PTPRD: variants seen among roughly 807,000 people sequenced by gnomAD.
PTPRD encodes protein tyrosine phosphatase receptor type D.
PTPRD carries 34 observed loss-of-function variants against 214.5 expected under a neutral mutation model. The observed-to-expected ratio is 0.16, with a 90% CI of 0.12 to 0.21. The LOEUF (loss-of-function observed/expected upper bound fraction) is 0.21. Ranked by LOEUF, PTPRD falls within the 10% of genes least tolerant of loss-of-function variation. The probability of loss-of-function intolerance (pLI) is 1.00; values close to 1 mark genes in which losing one functional copy is unlikely to be tolerated. For missense variants in PTPRD, 2,545 were observed against 2,398.7 expected (o/e 1.06, Z -1.27); for synonymous variants, 1,128 against 845.7 (o/e 1.33, Z -5.79).
chr9:9,835,822 C>T (rs1170447401), intron 5 of PTPRD, among the ~76,000 whole-genome samples: 1 of 152,038 alleles, frequency 6.6e-6, no homozygotes, highest in African/African-American at 2.4e-5. Flanking sequence ...ATCTTAGTGC[C>T]ACCCTCCTGC....
At chr9:8,978,695 T>C (rs2099284277) in intron 11 of PTPRD, among the ~76,000 whole-genome samples, 1 of 151,994 alleles carries the variant, frequency 6.6e-6, no homozygotes, top group African/African-American at 2.4e-5. Flanking sequence ...ATAACCTACA[T>C]AGCCTTGGAC....
intron 9 of PTPRD, among the ~76,000 whole-genome samples, chr9:9,234,174 A>G (rs1254083656): frequency 6.6e-6 from 1 of 152,156 alleles, no homozygotes; most frequent in East Asian, 1.9e-4. Flanking sequence ...CCCAAACTCT[A>G]TTCTTAACTT....
chr9:9,316,561 T>C (rs916014339), intron 9 of PTPRD, among the ~76,000 whole-genome samples: 2 of 152,054 alleles, frequency 1.3e-5, no homozygotes. Flanking sequence ...ACAAGACCAG[T>C]TTTTACCCTA....
At chr9:9,940,648 T>G (rs1419925154) in intron 4 of PTPRD, among the ~76,000 whole-genome samples, 1 of 152,182 alleles carries the variant, frequency 6.6e-6, no homozygotes, top group Non-Finnish European at 1.5e-5. Flanking sequence ...TTAACAAAAG[T>G]GTCAACAGCT....
chr9:9,292,348 T>G lies in PTPRD; in HGVS notation c.-203+105101A>C, dbSNP rs73641294. Reference sequence around the variant, plus strand: ...ATGGCCAACTTTGTCACTTTCCGCATGATGTAGGAAGATTTCCCATTTACC... The same window carrying G: ...ATGGCCAACTTTGTCACTTTCCGCAGGATGTAGGAAGATTTCCCATTTACC... On this transcript the variant is annotated intron_variant, in intron 9 of 45. Transcript: ENST00000381196. Among the ~76,000 whole-genome samples the G allele has an allele frequency of 2.1e-3, 323 of 151,552 alleles. 3 individuals carry two copies. The highest frequency in any genetic ancestry group is 7.5e-3 in the African/African-American group (310 of 41,496).
chr9:8,433,628 G>T, intron 35 of PTPRD, among the ~76,000 whole-genome samples: 1 of 152,142 alleles, frequency 6.6e-6, no homozygotes. Context: ...ATTCTAAAAA[G>T]TTAATATAAT....
rs768638009 is a variant in PTPRD, at chr9:8,492,915, G to A, written c.2414C>T (p.Thr805Ile). Residue 805 changes from threonine to isoleucine, a missense_variant, in exon 27 of 46, where the codon ACC becomes ATC. Transcript: ENST00000381196. ...CTTGCTGCGAGCACCATCTCCTTTG[G>A]TTGTGTAGGCTGTGACGGTGAGGGA... ...SYSLTVTAYT[T>I]KGDGARSKPK... 8 of 1,613,900 alleles carry A rather than the reference G, an allele frequency of 5.0e-6. 1 individual carries two copies. The highest frequency in any genetic ancestry group is 1.6e-4 in the Middle Eastern group (1 of 6,062).
rs181498426 is a variant in PTPRD, at chr9:9,149,011, T to C, written c.-143+34293A>G. Among the ~76,000 whole-genome samples the C allele has an allele frequency of 1.4e-4, 21 of 152,290 alleles. No individual in the cohort carries two copies. In the East Asian group the frequency reaches 4.1e-3, roughly 29 times the overall value. On this transcript the variant is annotated intron_variant, in intron 10 of 45. Coordinates refer to ENST00000381196, the MANE Select transcript of PTPRD (RefSeq NM_002839.4). ...AATGGATTTGGTTTTCCAAAGAGCATTGTAAACTTATAATGAAGAACTTTA... is the reference window on the plus strand; with the variant it reads ...AATGGATTTGGTTTTCCAAAGAGCACTGTAAACTTATAATGAAGAACTTTA...
At chr9:9,487,551 T>C (rs996085480) in intron 8 of PTPRD, among the ~76,000 whole-genome samples, 1 of 125,318 alleles carries the variant, frequency 8.0e-6, no homozygotes, top group Non-Finnish European at 1.7e-5. Flanking sequence ...AGCAGCATGA[T>C]TCATTTTCTT....
chr9:8,346,298 A>C (rs945620026), intron 39 of PTPRD, among the ~76,000 whole-genome samples: 1 of 152,240 alleles, frequency 6.6e-6, no homozygotes, highest in Non-Finnish European at 1.5e-5. Flanking sequence ...TGCTGAAATA[A>C]ATATATTAAA....
At chr9:9,728,417 T>C (rs1462348336) in intron 7 of PTPRD, among the ~76,000 whole-genome samples, 1 of 152,214 alleles carries the variant, frequency 6.6e-6, no homozygotes, top group Non-Finnish European at 1.5e-5. Flanking sequence ...TCTCTAGTCC[T>C]ATGTGTGAAG....
rs544451550 is a variant in PTPRD at position 8,671,436 on chromosome 9, G to A, written c.65-34592C>T. On this transcript the variant is annotated intron_variant, in intron 12 of 45. Transcript: ENST00000381196. ...AAGAAGCAAAAGGGAATGAAAGTTC[G>A]CCCAGGATACAGAACATATTAAAGA... Among the ~76,000 whole-genome samples, 31 of 152,142 alleles carry A rather than the reference G, an allele frequency of 2.0e-4. No homozygotes were observed. In the East Asian group the frequency reaches 2.3e-3, roughly 11 times the overall value.
intron 10 of PTPRD, among the ~76,000 whole-genome samples, chr9:9,027,624 A>G (rs1221302570): frequency 6.6e-6 from 1 of 151,930 alleles, no homozygotes; most frequent in South Asian, 2.1e-4. Context: ...GGACCTATCT[A>G]TCAAGAGGTC....
At chr9:9,240,538 G>T (rs1307793495) in intron 9 of PTPRD, among the ~76,000 whole-genome samples, 2 of 152,122 alleles carry the variant, frequency 1.3e-5, no homozygotes, top group African/African-American at 4.8e-5. Flanking sequence ...GGGCATGGTG[G>T]CACGTGCCTG....
intron 3 of PTPRD, among the ~76,000 whole-genome samples, chr9:10,248,518 A>AG (rs2092431478): frequency 1.5e-5 from 1 of 65,822 alleles, no homozygotes; most frequent in African/African-American, 3.2e-5. Context: ...TAGCAAAAAA[A>AG]AAAAAAAATA....
At chr9:9,097,599 A>T (rs1449829469) in intron 10 of PTPRD, among the ~76,000 whole-genome samples, 1 of 151,776 alleles carries the variant, frequency 6.6e-6, no homozygotes, top group Admixed American at 6.6e-5. Flanking sequence ...TTTAGTAGAG[A>T]CAGGGTTTCA....
chr9:9,823,617 A>G (rs185152009), intron 5 of PTPRD, among the ~76,000 whole-genome samples: 2 of 152,278 alleles, frequency 1.3e-5, no homozygotes, highest in East Asian at 3.9e-4. Context: ...GTTAAATGAA[A>G]TAATCCAGTT....
At chr9:8,480,163 G>C (rs1215970232) in intron 30 of PTPRD, among the ~76,000 whole-genome samples, 1 of 152,110 alleles carries the variant, frequency 6.6e-6, no homozygotes, top group East Asian at 1.9e-4. Context: ...GATGCCAGCA[G>C]GAAAGTCTTA....
intron 2 of PTPRD, among the ~76,000 whole-genome samples, chr9:10,452,033 A>G (rs2098844938): frequency 6.6e-6 from 1 of 152,042 alleles, no homozygotes; most frequent in Admixed American, 6.5e-5. Context: ...TACACTTCTT[A>G]TTTATATCCT....
Sources: allele counts gnomAD v4.1 joint callset (sites outside exome capture counted in the v4.1 genomes callset), GRCh38; gene constraint gnomAD v4.1.1; transcripts MANE v1.5; gene names NCBI Gene and HGNC (gene_info 2026-07-23, HGNC 2026-07-21).